The following NRG3 variants were observed in gnomAD, a reference collection of about 807,000 sequenced individuals.
NRG3 encodes the protein neuregulin 3, also known as pro-neuregulin-3, membrane-bound isoform.
A neutral mutation model predicts 66.9 loss-of-function variants in NRG3; 31 were observed. The ratio of observed to expected loss-of-function variants is 0.46; its 90% CI spans 0.35 to 0.63. NRG3 has a LOEUF of 0.63. NRG3 is among the 20% of genes least tolerant of loss of function. NRG3 has a pLI of 0.00. For missense variants in NRG3, 910 were observed against 878.9 expected (o/e 1.04, Z -0.45); for synonymous variants, 393 against 359.4 (o/e 1.09, Z -1.06).
At chr10:82,375,603 A>T (rs2085178082) in intron 2 of NRG3, among the ~76,000 whole-genome samples, 1 of 152,172 alleles carries the variant, frequency 6.6e-6, no homozygotes, top group Admixed American at 6.5e-5. Context: ...ACATGACAAA[A>T]CGCCAAAACG....
chr10:82,635,274 C>T (rs1336162776), intron 2 of NRG3, among the ~76,000 whole-genome samples: 2 of 152,098 alleles, frequency 1.3e-5, no homozygotes, highest in African/African-American at 2.4e-5. Context: ...TCAGAACCCA[C>T]GTAGTTATTT....
At chr10:82,912,452 T>C (rs969268923) in intron 4 of NRG3, among the ~76,000 whole-genome samples, 1 of 152,198 alleles carries the variant, frequency 6.6e-6, no homozygotes, top group Non-Finnish European at 1.5e-5. Context: ...TTCTGTCTTC[T>C]TTACCTGAAA....
intron 2 of NRG3, among the ~76,000 whole-genome samples, chr10:82,360,663 T>C (rs1328843729): frequency 6.6e-6 from 1 of 152,210 alleles, no homozygotes; most frequent in Non-Finnish European, 1.5e-5. Context: ...TGTTACAAAG[T>C]GCTACAGACT....
At chr10:82,966,070 A>G (rs993311875) in intron 6 of NRG3, among the ~76,000 whole-genome samples, 2 of 152,236 alleles carry the variant, frequency 1.3e-5, no homozygotes, top group African/African-American at 4.8e-5. Flanking sequence ...TATACTCTGT[A>G]TTCAGTTTCC....
chr10:82,164,197 G>A (rs987761717), intron 1 of NRG3, among the ~76,000 whole-genome samples: 6 of 152,024 alleles, frequency 3.9e-5, no homozygotes, highest in Admixed American at 6.6e-5. Context: ...GATTACAGGC[G>A]TGAGCCACAG....
chr10:82,255,944 G>T (rs1406624665), intron 1 of NRG3, among the ~76,000 whole-genome samples: 2 of 148,992 alleles, frequency 1.3e-5, no homozygotes, highest in South Asian at 2.1e-4. Flanking sequence ...TTTTTCTTGA[G>T]ATGGAGTCTC....
At chr10:82,157,108 TA>T (rs1395962689) in intron 1 of NRG3, among the ~76,000 whole-genome samples, 2 of 151,704 alleles carry the variant, frequency 1.3e-5, no homozygotes, top group Non-Finnish European at 3.0e-5. Flanking sequence ...TTGAATGTAC[TA>T]TTAAGCATTG....
At chr10:82,452,011 T>C (rs985513495) in intron 2 of NRG3, among the ~76,000 whole-genome samples, 1 of 152,240 alleles carries the variant, frequency 6.6e-6, no homozygotes, top group Non-Finnish European at 1.5e-5. Context: ...ATATCTCTTC[T>C]ATTTGGAATC....
intron 1 of NRG3, among the ~76,000 whole-genome samples, chr10:81,966,758 A>G (rs1278016662): frequency 6.6e-6 from 1 of 152,182 alleles, no homozygotes; most frequent in African/African-American, 2.4e-5. Flanking sequence ...TTTACTGTTT[A>G]GATAATTCTC....
chr10:82,399,622 A>G (rs192712230), intron 2 of NRG3, among the ~76,000 whole-genome samples: 14 of 152,294 alleles, frequency 9.2e-5, no homozygotes, highest in African/African-American at 3.1e-4. Context: ...AGAAAGATAA[A>G]TGTCTAAATC....
intron 2 of NRG3, among the ~76,000 whole-genome samples, chr10:82,400,913 T>C (rs1376100642): frequency 1.3e-5 from 2 of 152,120 alleles, no homozygotes; most frequent in Non-Finnish European, 2.9e-5. Flanking sequence ...CAAACTGTTA[T>C]TTGTTTAGTT....
chr10:81,903,489 G>T (rs1353310473), intron 1 of NRG3, among the ~76,000 whole-genome samples: 1 of 152,302 alleles, frequency 6.6e-6, no homozygotes, highest in African/African-American at 2.4e-5. Flanking sequence ...TTCCAGAAGG[G>T]AGATAAATGT....
At chr10:82,493,380 G>A (rs1254807549) in intron 2 of NRG3, among the ~76,000 whole-genome samples, 1 of 152,148 alleles carries the variant, frequency 6.6e-6, no homozygotes, top group Non-Finnish European at 1.5e-5. Context: ...GACATGCGAT[G>A]TTTGGTTTTC....
At chr10:82,973,249 A>G (rs1851933233) in intron 6 of NRG3, among the ~76,000 whole-genome samples, 1 of 152,194 alleles carries the variant, frequency 6.6e-6, no homozygotes, top group African/African-American at 2.4e-5. Context: ...TCTGAACTAT[A>G]AGGAGTGAAA....
At chr10:82,723,756 G>A (rs373600770) in intron 2 of NRG3, among the ~76,000 whole-genome samples, 1 of 152,064 alleles carries the variant, frequency 6.6e-6, no homozygotes, top group Non-Finnish European at 1.5e-5. Context: ...GAGGTGGGCA[G>A]ATCACTTCAG....
At chr10:82,841,582 A>G (rs1176638798) in intron 3 of NRG3, among the ~76,000 whole-genome samples, 1 of 152,154 alleles carries the variant, frequency 6.6e-6, no homozygotes, top group Non-Finnish European at 1.5e-5. Context: ...TTGGTACTGT[A>G]TCCTTGAGGC....
intron 2 of NRG3, among the ~76,000 whole-genome samples, chr10:82,407,771 T>A (rs1256292582): frequency 6.6e-6 from 1 of 151,878 alleles, no homozygotes; most frequent in African/African-American, 2.4e-5. Flanking sequence ...AGTTTACATG[T>A]TAAAATAGAA....
At chr10:82,760,308 T>A (rs1011617558) in intron 3 of NRG3, among the ~76,000 whole-genome samples, 1 of 152,034 alleles carries the variant, frequency 6.6e-6, no homozygotes, top group Non-Finnish European at 1.5e-5. Context: ...ATGCTAGTGA[T>A]CTCACAGGAA....
At chr10:82,203,883 A>G (rs2074978888) in intron 1 of NRG3, among the ~76,000 whole-genome samples, 1 of 152,172 alleles carries the variant, frequency 6.6e-6, no homozygotes, top group Admixed American at 6.5e-5. Context: ...AGCATTCTCT[A>G]ATGCAGTCTA....
Sources: allele counts gnomAD v4.1 joint callset (sites outside exome capture counted in the v4.1 genomes callset), GRCh38; gene constraint gnomAD v4.1.1; transcripts MANE v1.5; gene names NCBI Gene and HGNC (gene_info 2026-07-23, HGNC 2026-07-21).